ASIC2: variants seen among roughly 807,000 people sequenced by gnomAD.
ASIC2 encodes acid sensing ion channel subunit 2, also known as acid-sensing ion channel 2.
In ASIC2, 25 loss-of-function variants were observed where a neutral mutation model predicts 57.3. The ratio of observed to expected loss-of-function variants is 0.44; its 90% CI spans 0.32 to 0.61. ASIC2 has a LOEUF of 0.61. Ranked by LOEUF, ASIC2 falls within the 20% of genes least tolerant of loss-of-function variation. The pLI, the probability that ASIC2 is intolerant of heterozygous loss-of-function variation, is 0.06. For synonymous variants in ASIC2, 319 were observed against 307.5 expected (o/e 1.04, Z -0.39); for missense variants, 641 against 738.1 (o/e 0.87, Z 1.52).
chr17:33,118,077 G>A (rs2092287882), intron 1 of ASIC2, among the ~76,000 whole-genome samples: 1 of 152,192 alleles, frequency 6.6e-6, no homozygotes, highest in South Asian at 2.1e-4. Context: ...ATGCTTCCAT[G>A]CACACAGCCC....
At chr17:34,137,444 C>T (rs182746764) in intron 1 of ASIC2, among the ~76,000 whole-genome samples, 3 of 152,302 alleles carry the variant, frequency 2.0e-5, no homozygotes, top group African/African-American at 7.2e-5. Flanking sequence ...TGTTAATTCT[C>T]TAGGTTTGTT....
At chr17:33,038,499 T>C (rs902883388) in intron 3 of ASIC2, among the ~76,000 whole-genome samples, 1 of 152,140 alleles carries the variant, frequency 6.6e-6, no homozygotes, top group Non-Finnish European at 1.5e-5. Context: ...ATAATGAACA[T>C]GTAGGGTGGA....
At chr17:33,039,396 C>A (rs117608648) in intron 3 of ASIC2, among the ~76,000 whole-genome samples, 1 of 152,142 alleles carries the variant, frequency 6.6e-6, no homozygotes, top group Non-Finnish European at 1.5e-5. Context: ...GCTCGTCTTC[C>A]GCTGGGAATG....
chr17:34,072,913 G>T (rs369799695), intron 1 of ASIC2, among the ~76,000 whole-genome samples: 1 of 152,084 alleles, frequency 6.6e-6, no homozygotes, highest in African/African-American at 2.4e-5. Flanking sequence ...TTAACTGTGC[G>T]TGCCCTGGTA....
At chr17:33,677,303 C>T (rs987649390) in intron 1 of ASIC2, among the ~76,000 whole-genome samples, 9 of 152,128 alleles carry the variant, frequency 5.9e-5, no homozygotes, top group Non-Finnish European at 1.0e-4. Context: ...TAGAGGCCAG[C>T]GTAGGAGGTG....
At chr17:33,837,807 C>T (rs908358751) in intron 1 of ASIC2, among the ~76,000 whole-genome samples, 37 of 152,230 alleles carry the variant, frequency 2.4e-4, no homozygotes, top group African/African-American at 8.7e-4. Flanking sequence ...GGCCTCTCAC[C>T]CACCCTTCCT....
chr17:33,429,612 G>A lies in ASIC2; in HGVS notation c.556-317545C>T, dbSNP rs140597931. Among the ~76,000 whole-genome samples the A allele has an allele frequency of 3.3e-5, 5 of 151,976 alleles. No individual in the cohort carries two copies. The East Asian group carries it at 7.8e-4, about 24-fold the overall frequency. On this transcript the variant is annotated intron_variant, in intron 1 of 9. Coordinates refer to the ASIC2 transcript ENST00000359872. ...TCACTGTGTTAGCCAGGATGGTCTCGATCTCCTGACCTCGTGATCTGCCCA... is the reference window on the plus strand; with the variant it reads ...TCACTGTGTTAGCCAGGATGGTCTCAATCTCCTGACCTCGTGATCTGCCCA...
At chr17:33,039,484 G>A (rs986866294) in intron 3 of ASIC2, among the ~76,000 whole-genome samples, 1 of 152,152 alleles carries the variant, frequency 6.6e-6, no homozygotes, top group Non-Finnish European at 1.5e-5. Flanking sequence ...TTAGCTGGGG[G>A]ACATTGGACA....
At chr17:33,779,692 C>T (rs1179163972) in intron 1 of ASIC2, among the ~76,000 whole-genome samples, 1 of 152,050 alleles carries the variant, frequency 6.6e-6, no homozygotes. Flanking sequence ...ATGGATTATC[C>T]CGCAAAGGGG....
intron 1 of ASIC2, chr17:33,935,312 C>T (rs1291217592): frequency 6.6e-6 from 1 of 152,242 alleles, no homozygotes; most frequent in African/African-American, 2.4e-5. Context: ...GCTGTGCCAT[C>T]ATAGCCATTA....
At chr17:33,370,441 A>T (rs1395488879) in intron 1 of ASIC2, among the ~76,000 whole-genome samples, 1 of 152,220 alleles carries the variant, frequency 6.6e-6, no homozygotes, top group African/African-American at 2.4e-5. Flanking sequence ...CATAAGGGGA[A>T]ATGTAAATGC....
At chr17:33,535,273 T>G (rs1915190789) in intron 1 of ASIC2, among the ~76,000 whole-genome samples, 1 of 149,980 alleles carries the variant, frequency 6.7e-6, no homozygotes, top group Non-Finnish European at 1.5e-5. Flanking sequence ...AAATGTCGCT[T>G]CTTTTTTTTT....
intron 1 of ASIC2, among the ~76,000 whole-genome samples, chr17:33,457,851 G>T (rs1343069704): frequency 6.6e-6 from 1 of 152,192 alleles, no homozygotes; most frequent in Non-Finnish European, 1.5e-5. Flanking sequence ...TAAGCAATTT[G>T]CTCAATGCCA....
intron 1 of ASIC2, among the ~76,000 whole-genome samples, chr17:33,665,566 G>T (rs975357962): frequency 2.0e-5 from 3 of 152,222 alleles, no homozygotes; most frequent in Non-Finnish European, 4.4e-5. Context: ...CAAAGCAAAT[G>T]TGGCTGCCAA....
chr17:33,269,675 C>CTTTTT (rs1567805250), intron 1 of ASIC2, among the ~76,000 whole-genome samples: 1 of 71,690 alleles, frequency 1.4e-5, no homozygotes, highest in African/African-American at 4.9e-5. Flanking sequence ...TCCTTCCTTC[C>CTTTTT]CTCCCTCCCT....
chr17:33,951,267 T>A (rs1904553262), intron 1 of ASIC2, among the ~76,000 whole-genome samples: 1 of 152,070 alleles, frequency 6.6e-6, no homozygotes, highest in Non-Finnish European at 1.5e-5. Context: ...TGGTAGGCCC[T>A]GTTATGATTT....
In ASIC2 at chr17:34,017,139, T is replaced by C. The variant is rs371953936; in HGVS notation, c.555+138839A>G. Among the ~76,000 whole-genome samples the C allele has an allele frequency of 2.0e-3, 310 of 152,368 alleles. 1 individual carries two copies. The highest frequency in any genetic ancestry group is 7.2e-3 in the African/African-American group (299 of 41,588). ...TTAGCATCATTTGTCAAATAGCATG[T>C]GCTCACTTTGTGTTTCTGTCTCACA... On this transcript the variant is annotated intron_variant, in intron 1 of 9. Transcript: ENST00000359872.
intron 1 of ASIC2, among the ~76,000 whole-genome samples, chr17:33,717,365 G>T (rs180769527): frequency 6.6e-6 from 1 of 152,204 alleles, no homozygotes; most frequent in Admixed American, 6.5e-5. Flanking sequence ...GTGGAGTTGG[G>T]CAAGGGGAAC....
At chr17:33,753,822 C>T (rs1049049146) in intron 1 of ASIC2, among the ~76,000 whole-genome samples, 2 of 152,256 alleles carry the variant, frequency 1.3e-5, no homozygotes, top group Admixed American at 1.3e-4. Context: ...AGTTCATCCA[C>T]GAGGTCTCAA....
Sources: gnomAD v4.1 joint callset for allele counts (sites outside exome capture counted in the v4.1 genomes callset) on GRCh38, gnomAD v4.1.1 for gene constraint, MANE v1.5 for transcripts, NCBI Gene and HGNC (gene_info 2026-07-23, HGNC 2026-07-21) for gene names.